HLCS: variants seen among roughly 807,000 people sequenced by gnomAD.
The protein encoded by HLCS is biotin--protein ligase.
A neutral mutation model predicts 75.0 loss-of-function variants in HLCS; 53 were observed. The observed-to-expected ratio is 0.71, with a 90% CI of 0.57 to 0.89. The LOEUF (loss-of-function observed/expected upper bound fraction) is 0.89. HLCS is among the 40% of genes least tolerant of loss of function. The pLI, the probability that HLCS is intolerant of heterozygous loss-of-function variation, is 0.00. For missense variants in HLCS, 966 were observed against 1,074.0 expected, an observed-to-expected ratio of 0.90 and a Z score of 1.41; for synonymous variants, 431 against 428.6, an observed-to-expected ratio of 1.01 and a Z score of -0.07.
rs1455629709 is a variant in HLCS at position 36,767,412 on chromosome 21, T to C, written c.1893-127A>G. On this transcript the variant is annotated intron_variant, in intron 6 of 10. Coordinates refer to ENST00000674895, the MANE Select transcript of HLCS (RefSeq NM_001352514.2). ...GTGGCCATGGAAGGGCCAACTTTGG[T>C]TCCACTGGCCTTCAGGAATGTGGAG... 9 of 840,400 alleles carry C rather than the reference T, an allele frequency of 1.1e-5. No individual in the cohort carries two copies. The Admixed American group carries it at 1.6e-4, about 15-fold the overall frequency. The allele number at this position is 840,400 out of a possible 1,614,324, so 52.1% of individuals were successfully genotyped here.
chr21:36,876,809 A>AT (rs1456482943), intron 6 of HLCS, among the ~76,000 whole-genome samples: 2 of 152,162 alleles, frequency 1.3e-5, no homozygotes, highest in East Asian at 3.9e-4. Context: ...GTTTTTCATG[A>AT]TTTTTGGTTA....
In HLCS at chr21:36,765,057, C is replaced by T. The variant is rs1460453809; in HGVS notation, c.2076G>A (p.Met692Ile). Residue 692 changes from methionine to isoleucine, a missense_variant, in exon 8 of 11, where the codon ATG (methionine) becomes ATA (isoleucine). Met to Ile is a conservative substitution (Grantham distance 10). Transcript: ENST00000674895. Reference protein sequence around the residue: ...GQRIPFVQHLMSVAVVEAVRS... With the variant: ...GQRIPFVQHLISVAVVEAVRS... The stretch of plus-strand genomic sequence containing the variant: ...TCACTGCTTCCACGACAGCCACGGA[C>T]ATCAGATGCTGGACAAACGGGATCC... 5 of 1,614,104 alleles carry T rather than the reference C, an allele frequency of 3.1e-6. No individual in the cohort carries two copies. In the African/African-American group the frequency reaches 4.0e-5, roughly 13 times the overall value.
intron 5 of HLCS, among the ~76,000 whole-genome samples, chr21:36,908,215 T>G (rs1327206599): frequency 2.6e-5 from 4 of 151,484 alleles, no homozygotes; most frequent in African/African-American, 9.7e-5. Context: ...TGACACCCAG[T>G]CTCTACAAAA....
intron 6 of HLCS, among the ~76,000 whole-genome samples, chr21:36,872,816 G>A (rs1398044432): frequency 6.6e-6 from 1 of 152,164 alleles, no homozygotes; most frequent in East Asian, 1.9e-4. Flanking sequence ...GCATAGACAT[G>A]TATTTTTGTT....
At chr21:36,785,786 G>GGA (rs2060668845) in intron 6 of HLCS, among the ~76,000 whole-genome samples, 1 of 152,076 alleles carries the variant, frequency 6.6e-6, no homozygotes, top group Admixed American at 6.5e-5. Flanking sequence ...ATGCTCTTAG[G>GGA]TTTCCCCAAG....
chr21:36,933,407 C>T (rs546477095), intron 4 of HLCS, among the ~76,000 whole-genome samples: 62 of 151,954 alleles, frequency 4.1e-4, no homozygotes, highest in Admixed American at 3.3e-4. Context: ...AAAAATTAGC[C>T]GGGCCTGATA....
chr21:36,868,556 T>G, intron 6 of HLCS, among the ~76,000 whole-genome samples: 1 of 152,184 alleles, frequency 6.6e-6, no homozygotes, highest in East Asian at 1.9e-4. Flanking sequence ...TATTTTTTCC[T>G]CTAAGTTTTT....
At chr21:36,857,270 G>A (rs1466283575) in intron 6 of HLCS, among the ~76,000 whole-genome samples, 3 of 152,146 alleles carry the variant, frequency 2.0e-5, no homozygotes, top group East Asian at 3.8e-4. Flanking sequence ...ATTCCCAAAG[G>A]AGAACATGAA....
Position 36,856,143 on chromosome 21 carries a change from G to C in HLCS, c.1892+40717C>G, listed in dbSNP as rs2063185409. Among the ~76,000 whole-genome samples the C allele has an allele frequency of 3.3e-5, 5 of 152,198 alleles. No homozygotes were observed. In the South Asian group the frequency reaches 1.0e-3, roughly 31 times the overall value. On this transcript the variant is annotated intron_variant, in intron 6 of 10. Transcript: ENST00000674895. ...GGTGATTTTAAAAAGTTCTAAATTT[G>C]AGTGTGGTGATGACCATACAAGTGA... is the stretch of plus-strand genomic sequence containing the variant.
At chr21:36,952,424 T>C (rs2835549) in intron 2 of HLCS, among the ~76,000 whole-genome samples, 85,440 of 152,028 alleles carry the variant, frequency 0.56, 24,276 homozygotes, top group East Asian at 0.64. Flanking sequence ...TCTCTGATCA[T>C]AAGTGAAATT....
intron 6 of HLCS, among the ~76,000 whole-genome samples, chr21:36,771,322 C>T (rs993566597): frequency 1.3e-5 from 2 of 152,146 alleles, no homozygotes; most frequent in South Asian, 2.1e-4. Context: ...AACTAGTGAG[C>T]AGCTTATCTG....
chr21:36,914,413 T>C (rs891148343), intron 5 of HLCS, among the ~76,000 whole-genome samples: 3 of 152,208 alleles, frequency 2.0e-5, no homozygotes, highest in Non-Finnish European at 4.4e-5. Flanking sequence ...CACAGGGCTT[T>C]CTAGATCCCC....
intron 6 of HLCS, among the ~76,000 whole-genome samples, chr21:36,792,816 G>A (rs894294965): frequency 3.3e-5 from 5 of 152,180 alleles, no homozygotes; most frequent in African/African-American, 1.2e-4. Flanking sequence ...GGGCAAGAAC[G>A]AGAGGATGCA....
chr21:36,833,807 T>C (rs1375675011), intron 6 of HLCS, among the ~76,000 whole-genome samples: 1 of 152,098 alleles, frequency 6.6e-6, no homozygotes, highest in African/African-American at 2.4e-5. Flanking sequence ...AAATGACTAC[T>C]GGAACAACTG....
At chr21:36,763,449 G>A (rs1244950715) in intron 8 of HLCS, among the ~76,000 whole-genome samples, 5 of 152,196 alleles carry the variant, frequency 3.3e-5, no homozygotes, top group Non-Finnish European at 2.9e-5. Context: ...GGTAGTAAGC[G>A]TCCGTTTCAG....
intron 6 of HLCS, among the ~76,000 whole-genome samples, chr21:36,893,674 G>A (rs1026524444): frequency 6.6e-5 from 10 of 152,164 alleles, no homozygotes; most frequent in Non-Finnish European, 1.3e-4. Context: ...GTTCACAATA[G>A]GGTTTGAGCT....
chr21:36,928,683 GGAAA>G (rs1240681550), intron 5 of HLCS, among the ~76,000 whole-genome samples: 3 of 152,192 alleles, frequency 2.0e-5, no homozygotes, highest in African/African-American at 7.2e-5. Context: ...GCAGCTGAGA[GGAAA>G]GTAGTCCACA....
rs1176455998 is a variant in HLCS at position 36,754,185 on chromosome 21, T to C, written c.*61A>G. The C allele has an allele frequency of 3.3e-6, 5 of 1,528,484 alleles. No homozygotes were observed. The highest frequency in any genetic ancestry group is 4.5e-6 in the Non-Finnish European group (5 of 1,108,062). 94.7% of individuals were successfully genotyped at this position (1,528,484 alleles called of 1,614,324 possible). ...GGAAAAGAAAATTCACCTACAACTCTAAATTAGATTTCCAGATGCATGGGC... is the reference window on the plus strand; with the variant it reads ...GGAAAAGAAAATTCACCTACAACTCCAAATTAGATTTCCAGATGCATGGGC... On this transcript the variant is annotated 3_prime_UTR_variant, in exon 11 of 11. Coordinates refer to ENST00000674895, the MANE Select transcript of HLCS (RefSeq NM_001352514.2).
At chr21:36,872,588 A>C (rs1234651661) in intron 6 of HLCS, among the ~76,000 whole-genome samples, 1 of 152,176 alleles carries the variant, frequency 6.6e-6, no homozygotes, top group Admixed American at 6.5e-5. Context: ...TCAATTTCAT[A>C]AAATGGAATA....
Sources: allele counts gnomAD v4.1 joint callset (sites outside exome capture counted in the v4.1 genomes callset), GRCh38; gene constraint gnomAD v4.1.1; transcripts MANE v1.5; gene names NCBI Gene and HGNC (gene_info 2026-07-23, HGNC 2026-07-21).